The following ZC3H18 variants were observed in gnomAD, a reference collection of about 807,000 sequenced individuals.
The protein encoded by ZC3H18 is zinc finger CCCH-type containing 18.
ZC3H18 carries 8 observed loss-of-function variants against 106.1 expected under a neutral mutation model. The observed-to-expected ratio is 0.08, with a 90% CI of 0.04 to 0.14. ZC3H18 has a LOEUF of 0.14. Ranked by LOEUF, ZC3H18 falls within the 10% of genes least tolerant of loss-of-function variation. ZC3H18 has a pLI of 1.00. For synonymous variants in ZC3H18, 635 were observed against 522.1 expected, an observed-to-expected ratio of 1.22 and a Z score of -2.95; for missense variants, 1,318 against 1,278.4, an observed-to-expected ratio of 1.03 and a Z score of -0.47.
At chr16:88,599,756 G>C (rs778802224) in intron 5 of ZC3H18, 35 bp from the exon 6 acceptor site, 2 of 1,594,790 alleles carry the variant, frequency 1.3e-6, no homozygotes, top group Non-Finnish European at 1.7e-6. Context: ...CCGGTATTCT[G>C]TTCCATGTTG....
intron 6 of ZC3H18, among the ~76,000 whole-genome samples, chr16:88,602,092 G>T (rs966764017): frequency 3.9e-5 from 6 of 152,240 alleles, no homozygotes; most frequent in Non-Finnish European, 8.8e-5. Context: ...AGATGTCCTG[G>T]TGCGTGCTGT....
rs1224691467 is a variant in ZC3H18, at chr16:88,625,344, T to C, written c.2108+77T>C. The C allele has an allele frequency of 2.0e-6, 3 of 1,528,744 alleles. No homozygotes were observed. In the African/African-American group the frequency reaches 4.1e-5, roughly 21 times the overall value. 94.7% of individuals were successfully genotyped at this position (1,528,744 alleles called of 1,614,324 possible). A position where few individuals can be genotyped will look rare whatever the true frequency, so the allele number is the denominator to read the frequency against. ...AAGTCCCAGAAGCAGCCAGTGTGGG[T>C]TGGGCTGTCTCCCACAGGTGGGCTG... On this transcript the variant is annotated intron_variant, in intron 13 of 17. Coordinates refer to ENST00000301011, the MANE Select transcript of ZC3H18 (RefSeq NM_144604.4).
chr16:88,590,970 A>AG lies in ZC3H18; in HGVS notation c.688+4286_688+4287insG, dbSNP rs1567582746. ...TAATTTTTTAAAATTGTGGTGGAAT[A>AG]CTTTTTTTTTTTTTTTTTGAGATGG... On this transcript the variant is annotated intron_variant, in intron 3 of 17. Coordinates refer to ENST00000301011, the MANE Select transcript of ZC3H18 (RefSeq NM_144604.4). Among the ~76,000 whole-genome samples, 12 of 128,798 alleles carry AG rather than the reference A, an allele frequency of 9.3e-5. 1 individual carries two copies. Among genetic ancestry groups the AG allele is most frequent in the Admixed American group, 2.3e-4 (3 of 12,862 alleles). 84.5% of individuals were successfully genotyped at this position (128,798 alleles called of 152,430 possible).
At chr16:88,621,769 G>A (rs1261377726) in intron 8 of ZC3H18, among the ~76,000 whole-genome samples, 2 of 152,218 alleles carry the variant, frequency 1.3e-5, no homozygotes, top group African/African-American at 4.8e-5. Flanking sequence ...GGGATTGCAG[G>A]CGTGTGCCAC....
Position 88,623,312 on chromosome 16 carries a change from C to G in ZC3H18, c.1761C>G (p.Ser587=). 6.2e-7 allele frequency: 1 copy of G among 1,613,856 alleles called. No individual in the cohort carries two copies. The highest frequency in any genetic ancestry group is 8.5e-7 in the Non-Finnish European group (1 of 1,179,974). ...ACAGCTCCTACTCCAGCCGCTCTTC[C>G]AGACACAGCTCGTTCTCAGGAAGCC... ...SSYSSYSSRS[S]RHSSFSGSRS... Residue 587 remains serine (S), a synonymous_variant, in exon 10 of 18, where the codon TCC becomes TCG. Coordinates refer to ENST00000301011, the MANE Select transcript of ZC3H18 (RefSeq NM_144604.4).
intron 1 of ZC3H18, among the ~76,000 whole-genome samples, chr16:88,574,141 C>T (rs1467061159): frequency 6.6e-6 from 1 of 152,082 alleles, no homozygotes; most frequent in East Asian, 1.9e-4. Flanking sequence ...TTCCAAAGTG[C>T]TGGGATTACA....
At chr16:88,584,309 C>A (rs1460105066) in intron 2 of ZC3H18, among the ~76,000 whole-genome samples, 1 of 151,864 alleles carries the variant, frequency 6.6e-6, no homozygotes, top group Admixed American at 6.6e-5. Flanking sequence ...GTAATCCCAG[C>A]TACTCAGGAG....
chr16:88,627,455 C>A lies in ZC3H18; in HGVS notation c.2109-167C>A. The A allele has an allele frequency of 2.2e-6, 2 of 891,816 alleles. No individual in the cohort carries two copies. The highest frequency in any genetic ancestry group is 1.6e-6 in the Non-Finnish European group (1 of 606,068). 55.2% of individuals were successfully genotyped at this position (891,816 alleles called of 1,614,324 possible). On this transcript the variant is annotated intron_variant, in intron 13 of 17. Coordinates refer to ENST00000301011, the MANE Select transcript of ZC3H18 (RefSeq NM_144604.4). This position sits in a 1 kb window ranked among gnomAD's most constrained non-coding sequence, Gnocchi z 4.5. Reference sequence around the variant, plus strand: ...GGCCCTGGCCTAGCCATGGGGACGTCCCTTACTTTGTAACCCTGAAACTGC... The same window carrying A: ...GGCCCTGGCCTAGCCATGGGGACGTACCTTACTTTGTAACCCTGAAACTGC...
intron 3 of ZC3H18, among the ~76,000 whole-genome samples, chr16:88,591,451 A>G (rs969811811): frequency 2.0e-5 from 3 of 152,182 alleles, no homozygotes; most frequent in South Asian, 2.1e-4. Flanking sequence ...GCACACCTCT[A>G]ATTCCAGCTA....
At chr16:88,593,723 G>C (rs1904310065) in intron 3 of ZC3H18, among the ~76,000 whole-genome samples, 2 of 152,224 alleles carry the variant, frequency 1.3e-5, no homozygotes, top group Admixed American at 6.5e-5. Flanking sequence ...AGGGAATGCA[G>C]ATCCGGGTCC....
chr16:88,622,795 T>A, intron 9 of ZC3H18: 1 of 270,204 alleles, frequency 3.7e-6, no homozygotes, highest in Non-Finnish European at 7.1e-6. Flanking sequence ...GGCTCCCGAG[T>A]GAGGGATGAT....
At position 88,598,682 on chromosome 16, in the gene ZC3H18, C is replaced by G; in HGVS notation, c.900C>G (p.Ala300=). The change falls in exon 5 of 18, where the codon GCC becomes GCG. Residue 300 remains alanine (A), a synonymous_variant. Transcript: ENST00000301011. ...CTCCAGAGCCCCCAACAGAGAGTGC[C>G]TGGGAACGAGGACTCCGGCATGCAA... ...PPPPEPPTES[A]WERGLRHAKE... is the part of the protein sequence containing the mutation. The G allele has an allele frequency of 1.2e-6, 2 of 1,613,008 alleles. No individual in the cohort carries two copies. The highest frequency in any genetic ancestry group is 1.7e-6 in the Non-Finnish European group (2 of 1,179,498).
chr16:88,630,300 A>T (rs1906580945), intron 16 of ZC3H18, 185 bp from the exon 17 acceptor site: 2 of 544,898 alleles, frequency 3.7e-6, no homozygotes, highest in African/African-American at 3.9e-5. Context: ...TCATTTCCAG[A>T]TGCCTTGGTG....
chr16:88,570,494 G>A lies in ZC3H18; in HGVS notation c.-87G>A, dbSNP rs1367193172. On this transcript the variant is annotated 5_prime_UTR_variant, in exon 1 of 18. Transcript: ENST00000301011. Reference sequence around the variant, plus strand: ...AGCCAGAACCTGTGAAGAGCGGAAGGGCCAAGGGACGTCTTCTCCACGCCG... The same window carrying A: ...AGCCAGAACCTGTGAAGAGCGGAAGAGCCAAGGGACGTCTTCTCCACGCCG... The A allele has an allele frequency of 1.3e-5, 2 of 151,986 alleles. No homozygotes were observed. The highest frequency in any genetic ancestry group is 2.4e-5 in the African/African-American group (1 of 41,374). 9.4% of individuals were successfully genotyped at this position (151,986 alleles called of 1,614,324 possible).
At chr16:88,615,246 C>CTGGA (rs1567594348) in intron 8 of ZC3H18, among the ~76,000 whole-genome samples, 11 of 152,152 alleles carry the variant, frequency 7.2e-5, no homozygotes, top group Admixed American at 5.2e-4. Context: ...TTCCCTCTGC[C>CTGGA]CGGACGGGCT....
In ZC3H18 at chr16:88,625,226, T is replaced by C. The variant is rs80042563; in HGVS notation, c.2067T>C (p.Ser689=). The change falls in exon 13 of 18, where the codon AGT becomes AGC. Residue 689 remains serine (S), a synonymous_variant. Coordinates refer to ENST00000301011, the MANE Select transcript of ZC3H18 (RefSeq NM_144604.4). ...PRRRTLSGSG[S]GSGSSYSGSS... is the part of the protein sequence containing the mutation. ...GGCGGACGCTAAGCGGCAGCGGCAGTGGCAGTGGTAGCAGCTATAGTGGTT... is the reference window on the plus strand; with the variant it reads ...GGCGGACGCTAAGCGGCAGCGGCAGCGGCAGTGGTAGCAGCTATAGTGGTT... 3.8e-6 allele frequency: 6 copies of C among 1,592,100 alleles called. No homozygotes were observed. The highest frequency in any genetic ancestry group is 1.3e-5 in the African/African-American group (1 of 74,404).
In ZC3H18 at chr16:88,627,488, C is replaced by G; in HGVS notation, c.2109-134C>G. On this transcript the variant is annotated intron_variant, in intron 13 of 17. Transcript: ENST00000301011. The surrounding 1 kb of genome is among the most constrained non-coding windows in gnomAD (Gnocchi z 4.5). ...TTGTAACCCTGAAACTGCCCAGTGT[C>G]CCCCCAAAATCACACATTCCGTGGG... 1 of 1,249,910 alleles carries G rather than the reference C, an allele frequency of 8.0e-7. No individual in the cohort carries two copies. The highest frequency in any genetic ancestry group is 1.1e-6 in the Non-Finnish European group (1 of 909,600). The allele number at this position is 1,249,910 out of a possible 1,614,324, so 77.4% of individuals were successfully genotyped here. A position where few individuals can be genotyped will look rare whatever the true frequency, so the allele number is the denominator to read the frequency against.
chr16:88,583,457 A>T (rs1915256036), intron 2 of ZC3H18, among the ~76,000 whole-genome samples: 1 of 152,180 alleles, frequency 6.6e-6, no homozygotes, highest in African/African-American at 2.4e-5. Flanking sequence ...CCGTGGTGCA[A>T]AGGGGAAGGC....
chr16:88,597,054 G>A (rs1322354706), intron 3 of ZC3H18, among the ~76,000 whole-genome samples: 1 of 152,158 alleles, frequency 6.6e-6, no homozygotes, highest in African/African-American at 2.4e-5. Flanking sequence ...CCAAGTAGCT[G>A]GGACTACAGG....
Sources: allele counts gnomAD v4.1 joint callset (sites outside exome capture counted in the v4.1 genomes callset), GRCh38; gene constraint gnomAD v4.1.1; non-coding constraint Gnocchi (gnomAD v3.1); transcripts MANE v1.5; gene names NCBI Gene and HGNC (gene_info 2026-07-23, HGNC 2026-07-21).